The following MFSD8 variants were observed in gnomAD, a reference collection of about 807,000 sequenced individuals.
MFSD8 encodes the protein major facilitator superfamily domain containing 8.
MFSD8 carries 55 observed loss-of-function variants against 66.4 expected under a neutral mutation model. The ratio of observed to expected loss-of-function variants is 0.83; its 90% CI spans 0.67 to 1.04. The LOEUF (loss-of-function observed/expected upper bound fraction) is 1.04, where lower values mean the gene tolerates loss of function less well. Among genes scored for constraint, MFSD8 ranks in the 50% least tolerant of loss-of-function variants. The pLI, the probability that MFSD8 is intolerant of heterozygous loss-of-function variation, is 0.00. For missense variants in MFSD8, 550 were observed against 627.6 expected (o/e 0.88, Z 1.32); for synonymous variants, 202 against 212.8 (o/e 0.95, Z 0.44).
chr4:127,930,249 AAG>A (rs751832784), intron 9 of MFSD8, among the ~76,000 whole-genome samples: 3 of 152,142 alleles, frequency 2.0e-5, no homozygotes, highest in South Asian at 2.1e-4. Flanking sequence ...CAAAAAAAAA[AAG>A]AGTGTTGTGT....
rs114530192 is a variant in MFSD8 at position 127,950,064 on chromosome 4, C to T, written c.155-217G>A. On this transcript the variant is annotated intron_variant, in intron 2 of 11. Transcript: ENST00000641686. ...CAGTCCCTCATCATAATAACAAATA[C>T]AAAAAAGCAGAGGATCTACTTCTCC... 3.0e-3 allele frequency among the ~76,000 whole-genome samples: 454 copies of T among 152,098 alleles called. 4 individuals carry two copies. Among genetic ancestry groups the T allele is most frequent in the African/African-American group, 0.011 (438 of 41,494 alleles).
At chr4:127,936,964 G>A (rs1739185125) in intron 7 of MFSD8, among the ~76,000 whole-genome samples, 1 of 152,138 alleles carries the variant, frequency 6.6e-6, no homozygotes, top group Admixed American at 6.6e-5. Context: ...TTACCTGATA[G>A]CTCCTTGAAG....
rs186481788 is a variant in MFSD8 at position 127,938,350 on chromosome 4, G to A, written c.754+433C>T. On this transcript the variant is annotated intron_variant, in intron 7 of 11. Coordinates refer to ENST00000641686, the MANE Select transcript of MFSD8 (RefSeq NM_001371596.2). ...TGTAATCCCAGCACTTTGGGAGGCCGAGGCGGGTGGATCACAAGGTCAGGA... is the reference window on the plus strand; with the variant it reads ...TGTAATCCCAGCACTTTGGGAGGCCAAGGCGGGTGGATCACAAGGTCAGGA... Among the ~76,000 whole-genome samples, 142 of 152,028 alleles carry A rather than the reference G, an allele frequency of 9.3e-4. No individual in the cohort carries two copies. In the East Asian group the frequency reaches 0.024, roughly 26 times the overall value.
At chr4:127,934,930 AG>A in intron 7 of MFSD8, among the ~76,000 whole-genome samples, 1 of 104,092 alleles carries the variant, frequency 9.6e-6, no homozygotes, top group South Asian at 3.4e-4. Context: ...GTGTAGTGTC[AG>A]TTGTTGTTAG....
intron 2 of MFSD8, among the ~76,000 whole-genome samples, chr4:127,953,485 C>T (rs569983563): frequency 8.8e-5 from 13 of 147,288 alleles, no homozygotes; most frequent in African/African-American, 2.2e-4. Context: ...GAATAAATTA[C>T]GTTACAGTAT....
At chr4:127,922,482 A>G (rs11934357) in intron 9 of MFSD8, among the ~76,000 whole-genome samples, 4,095 of 152,134 alleles carry the variant, frequency 0.027, 160 homozygotes, top group African/African-American at 0.094. Context: ...AAAATTAGCC[A>G]GGAGTGGTAT....
At chr4:127,922,117 C>A in intron 9 of MFSD8, 154 bp from the exon 10 acceptor site, 1 of 821,832 alleles carries the variant, frequency 1.2e-6, no homozygotes, top group South Asian at 1.6e-5. Context: ...CTAAAAATAA[C>A]CAGGACTCCT....
intron 1 of MFSD8, among the ~76,000 whole-genome samples, chr4:127,960,529 A>T (rs1480862268): frequency 1.3e-5 from 2 of 152,224 alleles, no homozygotes; most frequent in Non-Finnish European, 2.9e-5. Context: ...CTGTCTCAAA[A>T]AAATAAATAA....
chr4:127,945,055 A>G (rs979708396), intron 3 of MFSD8, among the ~76,000 whole-genome samples: 2 of 152,168 alleles, frequency 1.3e-5, no homozygotes, highest in Non-Finnish European at 2.9e-5. Flanking sequence ...CTGTAATCTC[A>G]GCTACTCAGC....
chr4:127,934,055 A>G (rs1173131185), intron 7 of MFSD8, among the ~76,000 whole-genome samples: 1 of 152,140 alleles, frequency 6.6e-6, no homozygotes, highest in African/African-American at 2.4e-5. Context: ...CCTGGCCAAC[A>G]TGGCAAAACC....
At chr4:127,965,234 C>G, upstream of MFSD8, 1 of 1,442,648 alleles carries the variant, frequency 6.9e-7, no homozygotes, top group Admixed American at 1.9e-5. Context: ...TGTAAGTGCG[C>G]GTGCGCACCT....
Position 127,920,627 on chromosome 4 carries a change from A to G in MFSD8, c.*3T>C, listed in dbSNP as rs374487025. ...AGTAGTTTCCATCACAGTCTTAGCTAGTTTATTCCTGAATCCTCCCATATC... is the reference window on the plus strand; with the variant it reads ...AGTAGTTTCCATCACAGTCTTAGCTGGTTTATTCCTGAATCCTCCCATATC... On this transcript the variant is annotated 3_prime_UTR_variant, in exon 12 of 12. Transcript: ENST00000641686. The G allele has an allele frequency of 1.2e-6, 2 of 1,613,714 alleles. No homozygotes were observed. Among genetic ancestry groups the G allele is most frequent in the African/African-American group, 2.7e-5 (2 of 74,838 alleles).
At chr4:127,928,048 G>GTATT (rs1020178766) in intron 9 of MFSD8, among the ~76,000 whole-genome samples, 2 of 151,844 alleles carry the variant, frequency 1.3e-5, no homozygotes, top group Non-Finnish European at 2.9e-5. Flanking sequence ...TTATTTATTT[G>GTATT]TATTTATTTA....
chr4:127,937,158 C>T (rs1213866319), intron 7 of MFSD8, among the ~76,000 whole-genome samples: 1 of 152,206 alleles, frequency 6.6e-6, no homozygotes, highest in Non-Finnish European at 1.5e-5. Context: ...TCCCTTTCTG[C>T]TGCCATAGTG....
chr4:127,921,595 C>T lies in MFSD8; in HGVS notation c.1279G>A (p.Gly427Arg). ...AGATTGCAGACTGGATAGCCTAATCCTATTAGCACAGCTGATGTAAGGAAC... is the reference window on the plus strand; with the variant it reads ...AGATTGCAGACTGGATAGCCTAATCTTATTAGCACAGCTGATGTAAGGAAC... ...AQFLTSAVLI[G>R]LGYPVCNLMS... is the part of the protein sequence containing the mutation. The change falls in exon 11 of 12, where the codon GGA becomes AGA. Residue 427 changes from glycine (G) to arginine (R), a missense_variant. Physicochemically the swap from Gly to Arg is moderately radical, Grantham distance 125 (BLOSUM62 -2). Coordinates refer to ENST00000641686, the MANE Select transcript of MFSD8 (RefSeq NM_001371596.2). The T allele has an allele frequency of 1.9e-6, 3 of 1,614,172 alleles. No homozygotes were observed. Among genetic ancestry groups the T allele is most frequent in the Non-Finnish European group, 2.5e-6 (3 of 1,180,036 alleles).
intron 3 of MFSD8, among the ~76,000 whole-genome samples, chr4:127,946,159 A>G (rs1740998011): frequency 6.6e-6 from 1 of 152,114 alleles, no homozygotes; most frequent in African/African-American, 2.4e-5. Flanking sequence ...TCTTGGGCTC[A>G]AGCAATCCTC....
At chr4:127,934,994 C>CATA (rs1738824746) in intron 7 of MFSD8, among the ~76,000 whole-genome samples, 1 of 152,056 alleles carries the variant, frequency 6.6e-6, no homozygotes, top group Admixed American at 6.6e-5. Flanking sequence ...TGATTTTTTT[C>CATA]ATAATAATGC....
intron 9 of MFSD8, among the ~76,000 whole-genome samples, chr4:127,922,555 G>T (rs1486871250): frequency 1.3e-5 from 2 of 151,778 alleles, no homozygotes; most frequent in Non-Finnish European, 2.9e-5. Flanking sequence ...AGCCCAGGAG[G>T]TCAAGGCTGC....
intron 1 of MFSD8, among the ~76,000 whole-genome samples, chr4:127,963,886 T>C (rs908735567): frequency 1.4e-4 from 21 of 152,244 alleles, no homozygotes; most frequent in African/African-American, 4.8e-4. Flanking sequence ...AGGGCGCTGA[T>C]TGGTGCGTTT....
Sources: gnomAD v4.1 joint callset for allele counts (sites outside exome capture counted in the v4.1 genomes callset) on GRCh38, gnomAD v4.1.1 for gene constraint, MANE v1.5 for transcripts, NCBI Gene and HGNC (gene_info 2026-07-23, HGNC 2026-07-21) for gene names.